Variants in EPS8L2 observed in about 807,000 individuals in gnomAD.
EPS8L2 encodes the protein EPS8 signaling adaptor L2, also known as epidermal growth factor receptor kinase substrate 8-like protein 2.
EPS8L2 carries 81 observed loss-of-function variants against 99.4 expected under a neutral mutation model. That is an observed-to-expected ratio of 0.82 (90% confidence interval 0.68 to 0.98). EPS8L2 has a LOEUF of 0.98. Ranked by LOEUF, EPS8L2 falls within the 50% of genes least tolerant of loss-of-function variation. The pLI, the probability that EPS8L2 is intolerant of heterozygous loss-of-function variation, is 0.00. For synonymous variants in EPS8L2, 509 were observed against 407.3 expected, an observed-to-expected ratio of 1.25 and a Z score of -3.01; for missense variants, 1,155 against 968.8, an observed-to-expected ratio of 1.19 and a Z score of -2.55.
intron 3 of EPS8L2, 26 bp from the exon 4 acceptor site, chr11:710,396 G>A (rs755316478): frequency 3.7e-6 from 6 of 1,611,942 alleles, no homozygotes; most frequent in Non-Finnish European, 4.2e-6. Flanking sequence ...GCCCGTCGGG[G>A]GAGTGACTGG....
chr11:725,686 C>T (rs1862293555), intron 16 of EPS8L2, 42 bp from the exon 17 acceptor site: 6 of 1,295,530 alleles, frequency 4.6e-6, no homozygotes, highest in Non-Finnish European at 5.9e-6. Flanking sequence ...CCCAGCCCCG[C>T]AGAGCCTGGG....
chr11:716,298 G>T (rs577968906), intron 4 of EPS8L2, among the ~76,000 whole-genome samples: 3 of 151,668 alleles, frequency 2.0e-5, no homozygotes, highest in African/African-American at 7.3e-5. Flanking sequence ...ACAGGCGCCC[G>T]CCACCCCGCC....
Position 722,548 on chromosome 11 carries a change from C to CGGTAG in EPS8L2, c.1208+2_1208+6dup. 1 of 1,612,726 alleles carries CGGTAG rather than the reference C, an allele frequency of 6.2e-7. No individual in the cohort carries two copies. Among genetic ancestry groups the CGGTAG allele is most frequent in the Non-Finnish European group, 8.5e-7 (1 of 1,179,828 alleles). ...ACTGGGAGAGAGCTGGATGCGGCCC[C>CGGTAG]GGTAGGGCAGGGCAGAGCAGTGCCG... On this transcript the variant is annotated stop_gained and frameshift_variant and splice_region_variant, in exon 13 of 21. Transcript: ENST00000318562. LOFTEE classifies it high-confidence loss of function.
At chr11:715,446 C>G (rs1590049843) in intron 4 of EPS8L2, among the ~76,000 whole-genome samples, 1 of 151,994 alleles carries the variant, frequency 6.6e-6, no homozygotes, top group East Asian at 1.9e-4. Flanking sequence ...TAGTATTTTT[C>G]TTGATCAGGC....
At chr11:708,819 C>T in intron 1 of EPS8L2, 1 of 160,976 alleles carries the variant, frequency 6.2e-6, no homozygotes, top group South Asian at 1.8e-4. Flanking sequence ...CCTTGGGGTG[C>T]AGGCCTGGGG....
In EPS8L2 at chr11:721,708, C is replaced by T. The variant is rs969462622; in HGVS notation, c.895+17C>T. On this transcript the variant is annotated intron_variant, in intron 10 of 20. Transcript: ENST00000318562. Reference sequence around the variant, plus strand: ...CGCCAGCAGGTGCAGGGGACAGGGACGGGGCCGGCAGGTGCAGGGGACGGG... The same window carrying T: ...CGCCAGCAGGTGCAGGGGACAGGGATGGGGCCGGCAGGTGCAGGGGACGGG... 8.1e-6 allele frequency: 13 copies of T among 1,597,952 alleles called. No homozygotes were observed. The highest frequency in any genetic ancestry group is 2.7e-5 in the African/African-American group (2 of 73,586).
Position 727,023 on chromosome 11 carries a change from C to T in EPS8L2, c.*42C>T. 7.7e-7 allele frequency: 1 copy of T among 1,302,988 alleles called. No individual in the cohort carries two copies. The highest frequency in any genetic ancestry group is 2.3e-5 in the East Asian group (1 of 43,198). The allele number at this position is 1,302,988 out of a possible 1,614,324, so 80.7% of individuals were successfully genotyped here. A position where few individuals can be genotyped will look rare whatever the true frequency, so the allele number is the denominator to read the frequency against. Reference sequence around the variant, plus strand: ...CTGGGGCCTGCGGAGGGGAAGCCCACCCACAATGCATGGAGTATTATTTTT... The same window carrying T: ...CTGGGGCCTGCGGAGGGGAAGCCCATCCACAATGCATGGAGTATTATTTTT... On this transcript the variant is annotated 3_prime_UTR_variant, in exon 21 of 21. Transcript: ENST00000318562.
intron 14 of EPS8L2, 62 bp from the exon 15 acceptor site, chr11:723,179 C>T: frequency 2.5e-6 from 2 of 802,506 alleles, no homozygotes; most frequent in Non-Finnish European, 4.2e-6. Context: ...TGTCATATGC[C>T]CCCTCGTCCT....
chr11:721,537 G>A (rs766994059), intron 9 of EPS8L2, 28 bp from the exon 10 acceptor site: 1 of 1,529,978 alleles, frequency 6.5e-7, no homozygotes, highest in African/African-American at 1.4e-5. Context: ...AGTGTCAGGG[G>A]CTGACCCCTG....
At chr11:714,176 T>G (rs1194149358) in intron 4 of EPS8L2, among the ~76,000 whole-genome samples, 2 of 152,186 alleles carry the variant, frequency 1.3e-5, no homozygotes, top group Non-Finnish European at 2.9e-5. Context: ...TTTCTTTTAT[T>G]TTTTGTAAAT....
At position 726,742 on chromosome 11, in the gene EPS8L2, C is replaced by T. The variant is rs540958529; in HGVS notation, c.2058C>T (p.Ala686=). 2 of 1,593,064 alleles carry T rather than the reference C, an allele frequency of 1.3e-6. No individual in the cohort carries two copies. Among genetic ancestry groups the T allele is most frequent in the Admixed American group, 1.8e-5 (1 of 56,256 alleles). The part of the protein sequence containing the change: ...RVYSQLTMQK[A]FLEKQQSGSE... ...ACAGCCAGCTCACCATGCAGAAGGCCTTCCTGGAGGTGAGCCCGCCTGCGC... is the reference window on the plus strand; with the variant it reads ...ACAGCCAGCTCACCATGCAGAAGGCTTTCCTGGAGGTGAGCCCGCCTGCGC... Residue 686 remains alanine (A), a synonymous_variant, in exon 20 of 21, where the codon GCC becomes GCT. Transcript: ENST00000318562.
chr11:724,542 C>T lies in EPS8L2; in HGVS notation c.1455-182C>T. On this transcript the variant is annotated intron_variant, in intron 15 of 20. Transcript: ENST00000318562. This position sits in a 1 kb window ranked among gnomAD's most constrained non-coding sequence, Gnocchi z 5.5. ...CGCCTCCACGCAGGGCCCCAAAGCT[C>T]TGGGGCTGTCACAGTTTCCATTCCG... is the stretch of plus-strand genomic sequence containing the variant. 1 of 605,726 alleles carries T rather than the reference C, an allele frequency of 1.7e-6. No individual in the cohort carries two copies. The highest frequency in any genetic ancestry group is 3.0e-6 in the Non-Finnish European group (1 of 338,632). The allele number at this position is 605,726 out of a possible 1,614,324, so 37.5% of individuals were successfully genotyped here.
chr11:726,362 C>A lies in EPS8L2; in HGVS notation c.1812C>A (p.Ile604=), dbSNP rs1265847771. The stretch of plus-strand genomic sequence containing the variant: ...AGCTCATCCGGAAAATCAGCAACAT[C>A]AGGGCGCAGCCACAGAGGCACTTCC... The part of the protein sequence containing the change: ...NDELIRKISN[I]RAQPQRHFRV... Residue 604 remains isoleucine, a synonymous_variant, in exon 19 of 21, where the codon ATC becomes ATA. Transcript: ENST00000318562. 1 of 1,610,956 alleles carries A rather than the reference C, an allele frequency of 6.2e-7. No homozygotes were observed. Among genetic ancestry groups the A allele is most frequent in the South Asian group, 1.1e-5 (1 of 90,782 alleles).
intron 1 of EPS8L2, among the ~76,000 whole-genome samples, chr11:708,001 C>G (rs1485657921): frequency 1.3e-5 from 2 of 152,160 alleles, no homozygotes; most frequent in Non-Finnish European, 2.9e-5. Flanking sequence ...CTGGTGCACC[C>G]AGCCCCTCAT....
intron 8 of EPS8L2, 34 bp downstream of exon 8, chr11:721,240 C>A: frequency 6.5e-7 from 1 of 1,537,428 alleles, no homozygotes; most frequent in Non-Finnish European, 8.7e-7. Flanking sequence ...CTCCACAGGG[C>A]TCGTTGTGGG....
chr11:710,151 C>T (rs1320397188), intron 3 of EPS8L2: 2 of 467,512 alleles, frequency 4.3e-6, no homozygotes, highest in Non-Finnish European at 7.8e-6. Context: ...GACAGAAACC[C>T]CCCGGGCACA....
chr11:714,885 G>A (rs1354880692), intron 4 of EPS8L2, among the ~76,000 whole-genome samples: 3 of 152,202 alleles, frequency 2.0e-5, no homozygotes, highest in Non-Finnish European at 4.4e-5. Context: ...GGCAGGTTGT[G>A]TGGCAGGGTT....
chr11:706,372 G>A (rs1038557372), intron 1 of EPS8L2, 84 bp downstream of exon 1: 1 of 152,444 alleles, frequency 6.6e-6, no homozygotes, highest in African/African-American at 2.4e-5. Context: ...TCTGGTTCAG[G>A]ACACCGGGAC....
chr11:726,644 A>T lies in EPS8L2; in HGVS notation c.1960A>T (p.Thr654Ser). 6.4e-7 allele frequency: 1 copy of T among 1,556,428 alleles called. No individual in the cohort carries two copies. The highest frequency in any genetic ancestry group is 8.7e-7 in the Non-Finnish European group (1 of 1,150,600). ...GATCGTGGAGAACCTGGGCATCCTG[A>T]CCGGGCCGCAGCTCTTCTCCCTCAA... ...PRIVENLGILTGPQLFSLNKE... is the reference protein window; with the variant it reads ...PRIVENLGILSGPQLFSLNKE... Residue 654 changes from threonine to serine, a missense_variant, in exon 20 of 21, where the codon ACC becomes TCC. Coordinates refer to ENST00000318562, the MANE Select transcript of EPS8L2 (RefSeq NM_022772.4).
Sources: allele counts gnomAD v4.1 joint callset (sites outside exome capture counted in the v4.1 genomes callset), GRCh38; gene constraint gnomAD v4.1.1; non-coding constraint Gnocchi (gnomAD v3.1); transcripts MANE v1.5; gene names NCBI Gene and HGNC (gene_info 2026-07-23, HGNC 2026-07-21).